CPXM2: variants seen among roughly 807,000 people sequenced by gnomAD.
The protein encoded by CPXM2 is inactive carboxypeptidase-like protein X2.
In CPXM2, 66 loss-of-function variants were observed where a neutral mutation model predicts 86.1. The ratio of observed to expected loss-of-function variants is 0.77; its 90% CI spans 0.63 to 0.94. CPXM2 has a LOEUF of 0.94. Among genes scored for constraint, CPXM2 ranks in the 40% least tolerant of loss-of-function variants. CPXM2 has a pLI of 0.00. For synonymous variants in CPXM2, 388 were observed against 400.2 expected (o/e 0.97, Z 0.36); for missense variants, 948 against 1,026.3 (o/e 0.92, Z 1.04).
At chr10:123,749,655 G>T (rs1406934695) in intron 13 of CPXM2, among the ~76,000 whole-genome samples, 1 of 152,174 alleles carries the variant, frequency 6.6e-6, no homozygotes, top group Non-Finnish European at 1.5e-5. Flanking sequence ...GCCTTGCAGT[G>T]GTGTCTCAGG....
intron 4 of CPXM2, among the ~76,000 whole-genome samples, chr10:123,828,105 A>G (rs1244384127): frequency 6.6e-6 from 1 of 152,142 alleles, no homozygotes; most frequent in Non-Finnish European, 1.5e-5. Context: ...TGGGAGGTTG[A>G]GGCTACAGTG....
chr10:123,847,013 C>A (rs539836726), intron 3 of CPXM2, among the ~76,000 whole-genome samples: 2 of 152,196 alleles, frequency 1.3e-5, no homozygotes, highest in Admixed American at 6.5e-5. Flanking sequence ...TAAAGTATTT[C>A]TTGGCTCAGT....
At chr10:123,821,395 A>C (rs562807814) in intron 4 of CPXM2, among the ~76,000 whole-genome samples, 2 of 152,350 alleles carry the variant, frequency 1.3e-5, no homozygotes, top group African/African-American at 2.4e-5. Context: ...GAAGAGGCAC[A>C]TACTATGTTT....
intron 6 of CPXM2, among the ~76,000 whole-genome samples, chr10:123,780,948 G>C (rs996725919): frequency 2.6e-5 from 4 of 152,172 alleles, no homozygotes; most frequent in African/African-American, 9.7e-5. Context: ...CTCCCCAGCA[G>C]TAAGAATACA....
In CPXM2 at chr10:123,891,386, C is replaced by G. The variant is rs756402607; in HGVS notation, c.274G>C (p.Glu92Gln). ...ATKPKKAPKREKSAPEPPPPG... is the reference protein window; with the variant it reads ...ATKPKKAPKRQKSAPEPPPPG... ...GGAGGCGGCTCCGGAGCCGACTTCT[C>G]CCTCTTGGGAGCTTTCTTGGGCTTG... Residue 92 changes from glutamate (E) to glutamine (Q), a missense_variant, in exon 1 of 14, where the codon GAG (glutamate) becomes CAG (glutamine). Glu to Gln is a conservative substitution (Grantham distance 29, BLOSUM62 2). Coordinates refer to ENST00000241305, the MANE Select transcript of CPXM2 (RefSeq NM_198148.3). The surrounding 1 kb of genome is among the most constrained non-coding windows in gnomAD (Gnocchi z 5.6). 3.8e-6 allele frequency: 6 copies of G among 1,566,078 alleles called. No individual in the cohort carries two copies. The highest frequency in any genetic ancestry group is 5.2e-6 in the Non-Finnish European group (6 of 1,155,640).
intron 2 of CPXM2, among the ~76,000 whole-genome samples, chr10:123,863,400 T>G (rs1041655065): frequency 6.6e-6 from 1 of 152,142 alleles, no homozygotes; most frequent in Non-Finnish European, 1.5e-5. Context: ...GGGGGCCACA[T>G]GATGAACCGG....
intron 3 of CPXM2, among the ~76,000 whole-genome samples, chr10:123,848,263 C>A (rs1396050187): frequency 6.6e-6 from 1 of 152,168 alleles, no homozygotes; most frequent in Non-Finnish European, 1.5e-5. Flanking sequence ...TAATAAACCA[C>A]TGCTATAAAC....
chr10:123,746,512 T>C lies in CPXM2; in HGVS notation c.*252A>G. ...TCTCTCTCTGATTCCCAGGTTGGCT[T>C]GCTGAGTTCTCTCACTCCCATCAGC... On this transcript the variant is annotated 3_prime_UTR_variant, in exon 14 of 14. Transcript: ENST00000241305. 1.9e-6 allele frequency: 1 copy of C among 517,936 alleles called. No individual in the cohort carries two copies. Among genetic ancestry groups the C allele is most frequent in the Non-Finnish European group, 3.4e-6 (1 of 293,448 alleles). 32.1% of individuals were successfully genotyped at this position (517,936 alleles called of 1,614,324 possible).
intron 6 of CPXM2, among the ~76,000 whole-genome samples, chr10:123,781,639 C>T (rs1408217252): frequency 6.6e-6 from 1 of 152,124 alleles, no homozygotes; most frequent in Admixed American, 6.6e-5. Flanking sequence ...AGTAGGGGGC[C>T]GAACACTCTG....
At chr10:123,880,145 T>TGGGGGGCCCCCCCCC in intron 2 of CPXM2, 66 bp downstream of exon 2, 2 of 407,580 alleles carry the variant, frequency 4.9e-6, no homozygotes, top group Non-Finnish European at 4.8e-6. Flanking sequence ...CAGGGGCCTG[T>TGGGGGGCCCCCCCCC]ACCCACCCAC....
chr10:123,763,050 T>C (rs1306622640), intron 10 of CPXM2, among the ~76,000 whole-genome samples: 1 of 152,124 alleles, frequency 6.6e-6, no homozygotes, highest in Non-Finnish European at 1.5e-5. Flanking sequence ...TGGTTTTATT[T>C]ATTTATTTCA....
chr10:123,919,055 C>T (rs191909920), intron 2 of CPXM2, among the ~76,000 whole-genome samples: 180 of 152,174 alleles, frequency 1.2e-3, no homozygotes, highest in Admixed American at 2.4e-3. Flanking sequence ...GTTTGAAGCC[C>T]ACAGCTCCTC....
At chr10:123,785,695 C>T (rs187828016) in intron 6 of CPXM2, among the ~76,000 whole-genome samples, 168 of 150,724 alleles carry the variant, frequency 1.1e-3, no homozygotes, top group African/African-American at 3.7e-3. Flanking sequence ...TACAGAGGCG[C>T]GATCTCGGCT....
intron 2 of CPXM2, among the ~76,000 whole-genome samples, chr10:123,936,929 G>A (rs942692909): frequency 2.0e-5 from 3 of 152,172 alleles, no homozygotes; most frequent in Non-Finnish European, 4.4e-5. Flanking sequence ...GGGGAACCCA[G>A]CATTCAAGTC....
chr10:123,780,070 T>C, intron 7 of CPXM2, 97 bp downstream of exon 7: 1 of 763,230 alleles, frequency 1.3e-6, no homozygotes, highest in Non-Finnish European at 2.4e-6. Context: ...TCCCTAATCA[T>C]CAATTTCTGG....
Position 123,747,287 on chromosome 10 carries a change from T to A in CPXM2, c.2018-270A>T, listed in dbSNP as rs561121061. Among the ~76,000 whole-genome samples, 9 of 152,356 alleles carry A rather than the reference T, an allele frequency of 5.9e-5. No individual in the cohort carries two copies. The East Asian group carries it at 1.5e-3, about 26-fold the overall frequency. On this transcript the variant is annotated intron_variant, in intron 13 of 13. Transcript: ENST00000241305. ...GGAGCAAAGCTGGAGAGCCGATCACTAATGCTCTGTGACAATATGAGCCAT... is the reference window on the plus strand; with the variant it reads ...GGAGCAAAGCTGGAGAGCCGATCACAAATGCTCTGTGACAATATGAGCCAT...
chr10:123,904,912 A>ATCTGCATCCTGTGACCTCCCCCCAACC (rs1184917723), intron 2 of CPXM2, among the ~76,000 whole-genome samples: 1 of 131,662 alleles, frequency 7.6e-6, no homozygotes, highest in African/African-American at 3.1e-5. Flanking sequence ...GCTCTGCATC[A>ATCTGCATCCTGTGACCTCCCCCCAACC]CACCTGCATC....
rs771003123 is a variant in CPXM2 at position 123,768,369 on chromosome 10, G to A, written c.1299+157C>T. 24 of 377,196 alleles carry A rather than the reference G, an allele frequency of 6.4e-5. 1 individual carries two copies. The South Asian group carries it at 1.1e-3, about 17-fold the overall frequency. 23.4% of individuals were successfully genotyped at this position (377,196 alleles called of 1,614,324 possible). On this transcript the variant is annotated intron_variant, in intron 9 of 13. Coordinates refer to ENST00000241305, the MANE Select transcript of CPXM2 (RefSeq NM_198148.3). ...AGCCTGGGCAACAGAGGGAGACTCC[G>A]ACTCAAAAAATAAATAAATAAATAA...
At chr10:123,861,432 C>T (rs1347548464) in intron 3 of CPXM2, among the ~76,000 whole-genome samples, 1 of 152,128 alleles carries the variant, frequency 6.6e-6, no homozygotes, top group African/African-American at 2.4e-5. Flanking sequence ...GATGGGGCGG[C>T]AGAATAACTC....
Sources: gnomAD v4.1 joint callset for allele counts (sites outside exome capture counted in the v4.1 genomes callset) on GRCh38, gnomAD v4.1.1 for gene constraint, Gnocchi (gnomAD v3.1) non-coding constraint, MANE v1.5 for transcripts, NCBI Gene and HGNC (gene_info 2026-07-23, HGNC 2026-07-21) for gene names.